Variants in COL24A1 observed in about 807,000 individuals in gnomAD.
The protein encoded by COL24A1 is collagen type XXIV alpha 1 chain, also known as collagen alpha-1(XXIV) chain.
COL24A1 carries 224 observed loss-of-function variants against 253.9 expected under a neutral mutation model. That is an observed-to-expected ratio of 0.88 (90% CI 0.79 to 0.99). The LOEUF is 0.99. Among genes scored for constraint, COL24A1 ranks in the 50% least tolerant of loss-of-function variants. The pLI, the probability that COL24A1 is intolerant of heterozygous loss-of-function variation, is 0.00. For synonymous variants in COL24A1, 685 were observed against 673.7 expected (o/e 1.02, Z -0.26); for missense variants, 2,131 against 2,068.5 (o/e 1.03, Z -0.59).
At chr1:85,908,204 A>G (rs1188708454) in intron 27 of COL24A1, among the ~76,000 whole-genome samples, 8 of 151,796 alleles carry the variant, frequency 5.3e-5, no homozygotes, top group Admixed American at 4.6e-4. Context: ...TGTTTAATAA[A>G]TACATATTTT....
At chr1:86,056,022 G>A (rs557717252) in intron 10 of COL24A1, among the ~76,000 whole-genome samples, 1 of 151,924 alleles carries the variant, frequency 6.6e-6, no homozygotes, top group South Asian at 2.1e-4. Flanking sequence ...GGAGGTTGAG[G>A]CAGGAGAATC....
chr1:86,022,452 C>T, intron 17 of COL24A1, 86 bp downstream of exon 17: 1 of 1,343,730 alleles, frequency 7.4e-7, no homozygotes, highest in East Asian at 2.4e-5. Context: ...CATTCTAACA[C>T]AATACATGGA....
intron 37 of COL24A1, among the ~76,000 whole-genome samples, chr1:85,852,028 C>T (rs1036832463): frequency 2.6e-5 from 4 of 152,086 alleles, no homozygotes; most frequent in Non-Finnish European, 5.9e-5. Flanking sequence ...AAATGTTCTC[C>T]CAAGAGTTTT....
intron 58 of COL24A1, chr1:85,736,567 G>C (rs78774130): frequency 4.5e-6 from 2 of 445,792 alleles, no homozygotes; most frequent in Non-Finnish European, 9.1e-6. Context: ...TGCCTATTAA[G>C]ATAAATTGAT....
intron 19 of COL24A1, among the ~76,000 whole-genome samples, chr1:85,991,541 C>G (rs916096319): frequency 6.6e-6 from 1 of 152,058 alleles, no homozygotes; most frequent in Non-Finnish European, 1.5e-5. Context: ...AAGAGTCTGT[C>G]TTATAATTGT....
chr1:86,081,398 C>A (rs1465869762), intron 7 of COL24A1, among the ~76,000 whole-genome samples: 1 of 151,876 alleles, frequency 6.6e-6, no homozygotes, highest in Non-Finnish European at 1.5e-5. Flanking sequence ...TCTAAAAGTT[C>A]ACCTGCAATA....
chr1:86,127,766 G>A (rs984327804), intron 2 of COL24A1, among the ~76,000 whole-genome samples: 2 of 152,124 alleles, frequency 1.3e-5, no homozygotes, highest in Non-Finnish European at 1.5e-5. Context: ...ATTTGATAAT[G>A]CATGCTTATT....
At chr1:86,151,153 C>T (rs1298023093) in intron 1 of COL24A1, among the ~76,000 whole-genome samples, 1 of 151,794 alleles carries the variant, frequency 6.6e-6, no homozygotes, top group African/African-American at 2.4e-5. Context: ...AACCACAAAA[C>T]TGTAACGGTC....
At chr1:85,803,253 T>C (rs1408311060) in intron 47 of COL24A1, among the ~76,000 whole-genome samples, 2 of 152,096 alleles carry the variant, frequency 1.3e-5, no homozygotes, top group African/African-American at 2.4e-5. Context: ...TTTGACACCA[T>C]TGTGAAACCC....
At chr1:85,994,380 T>C (rs1201427734) in intron 19 of COL24A1, among the ~76,000 whole-genome samples, 3 of 149,770 alleles carry the variant, frequency 2.0e-5, no homozygotes, top group Non-Finnish European at 4.4e-5. Context: ...GAATAATAAC[T>C]TTTTCAATTA....
intron 2 of COL24A1, among the ~76,000 whole-genome samples, chr1:86,128,919 G>C (rs941078204): frequency 1.3e-5 from 2 of 151,722 alleles, no homozygotes; most frequent in African/African-American, 4.8e-5. Context: ...GAGTTGACTG[G>C]TCAGTGTTTT....
chr1:86,006,752 T>C (rs1571572846), intron 19 of COL24A1, among the ~76,000 whole-genome samples: 1 of 151,894 alleles, frequency 6.6e-6, no homozygotes, highest in African/African-American at 2.4e-5. Context: ...GATAAAGAAC[T>C]GTTACCCCAA....
chr1:86,131,330 C>T (rs1395177176), intron 2 of COL24A1, among the ~76,000 whole-genome samples: 1 of 151,628 alleles, frequency 6.6e-6, no homozygotes, highest in African/African-American at 2.4e-5. Flanking sequence ...TGAATTGTAT[C>T]CTTGAATATT....
chr1:85,762,750 A>G lies in COL24A1; in HGVS notation c.4375-1184T>C, dbSNP rs114167537. Among the ~76,000 whole-genome samples, 1,281 of 152,316 alleles carry G rather than the reference A, an allele frequency of 8.4e-3. 14 individuals are homozygous for G. Among genetic ancestry groups the G allele is most frequent in the African/African-American group, 0.029 (1,196 of 41,570 alleles). On this transcript the variant is annotated intron_variant, in intron 53 of 59. Coordinates refer to ENST00000370571, the MANE Select transcript of COL24A1 (RefSeq NM_152890.7). The stretch of plus-strand genomic sequence containing the variant: ...CAATGTAAAAATAATAAACAGTTGC[A>G]ATAGTCCATTCCACTTAGCAAGTTT...
At chr1:86,025,316 C>G (rs543117413) in intron 14 of COL24A1, among the ~76,000 whole-genome samples, 2 of 152,220 alleles carry the variant, frequency 1.3e-5, no homozygotes, top group Admixed American at 6.5e-5. Flanking sequence ...GACAGAGGAG[C>G]CTCCCACACA....
intron 43 of COL24A1, among the ~76,000 whole-genome samples, chr1:85,832,338 T>C (rs1369644137): frequency 6.6e-6 from 1 of 152,072 alleles, no homozygotes. Context: ...AGCCTTGTAG[T>C]ATAGTTTGAA....
At chr1:86,040,967 G>T (rs1302991122) in intron 12 of COL24A1, among the ~76,000 whole-genome samples, 1 of 152,072 alleles carries the variant, frequency 6.6e-6, no homozygotes, top group Non-Finnish European at 1.5e-5. Flanking sequence ...ACTGTCTTGG[G>T]CTAAAGATAA....
At chr1:85,763,286 T>G (rs1427661744) in intron 53 of COL24A1, among the ~76,000 whole-genome samples, 1 of 151,530 alleles carries the variant, frequency 6.6e-6, no homozygotes, top group Non-Finnish European at 1.5e-5. Context: ...GGTATGGTGG[T>G]GCACTCCTGT....
intron 32 of COL24A1, among the ~76,000 whole-genome samples, chr1:85,885,399 T>TA (rs1558527833): frequency 6.5e-4 from 71 of 109,588 alleles, no homozygotes; most frequent in African/African-American, 2.1e-3. Context: ...ATATATATAT[T>TA]TTTTTTTTAA....
Sources: allele counts gnomAD v4.1 joint callset (sites outside exome capture counted in the v4.1 genomes callset), GRCh38; gene constraint gnomAD v4.1.1; transcripts MANE v1.5; gene names NCBI Gene and HGNC (gene_info 2026-07-23, HGNC 2026-07-21).